ATXN3: variants seen among roughly 807,000 people sequenced by gnomAD.
ATXN3 encodes the protein ataxin 3.
ATXN3 carries 28 observed loss-of-function variants against 58.2 expected under a neutral mutation model. That is an observed-to-expected ratio of 0.48 (90% CI 0.36 to 0.66). The LOEUF is 0.66. Among genes scored for constraint, ATXN3 ranks in the 30% least tolerant of loss-of-function variants. The probability of loss-of-function intolerance (pLI) is 0.00; values close to 1 mark genes in which losing one functional copy is unlikely to be tolerated. For synonymous variants in ATXN3, 113 were observed against 138.5 expected, an observed-to-expected ratio of 0.82 and a Z score of 1.29; for missense variants, 321 against 422.1, an observed-to-expected ratio of 0.76 and a Z score of 2.10.
At chr14:92,093,167 A>G (rs1372884775) in intron 5 of ATXN3, 85 bp downstream of exon 5, 23 of 890,892 alleles carry the variant, frequency 2.6e-5, no homozygotes, top group Non-Finnish European at 3.9e-5. Context: ...AACTGTTGGC[A>G]TGAGCCACCA....
intron 1 of ATXN3, among the ~76,000 whole-genome samples, chr14:92,098,844 G>A (rs925252224): frequency 6.6e-6 from 1 of 152,174 alleles, no homozygotes; most frequent in African/African-American, 2.4e-5. Flanking sequence ...AGCTCCCATG[G>A]GATGACAGGA....
rs745440781 is a variant in ATXN3, at chr14:92,106,529, T to C, written c.24A>G (p.Lys8=). Residue 8 remains lysine (K), a splice_region_variant and synonymous_variant, in exon 1 of 11, where the codon AAA becomes AAG. Transcript: ENST00000644486. ...CTCCCCACCGAACGCGGACACTCAC[T>C]TTCTCGTGGAAGATGGACTCCATGT... is the stretch of plus-strand genomic sequence containing the variant. The part of the protein sequence containing the change: MESIFHE[K]QEGSLCAQHC... 2.5e-6 allele frequency: 4 copies of C among 1,613,106 alleles called. No individual in the cohort carries two copies. The highest frequency in any genetic ancestry group is 4.5e-5 in the East Asian group (2 of 44,756).
chr14:92,076,687 C>T (rs1203969573), intron 9 of ATXN3, among the ~76,000 whole-genome samples: 1 of 151,724 alleles, frequency 6.6e-6, no homozygotes, highest in Non-Finnish European at 1.5e-5. Flanking sequence ...CGCCTGTAAT[C>T]CCAGAACTTT....
At chr14:92,068,591 G>GT (rs1001823741) in intron 10 of ATXN3, among the ~76,000 whole-genome samples, 20 of 149,884 alleles carry the variant, frequency 1.3e-4, no homozygotes, top group Admixed American at 3.3e-4. Context: ...CAGCTGAATG[G>GT]TTTTTTTTTT....
chr14:92,093,292 T>A lies in ATXN3; in HGVS notation c.347A>T (p.Tyr116Phe), dbSNP rs778421428. Residue 116 changes from tyrosine (Y) to phenylalanine (F), a missense_variant, in exon 5 of 11, where the codon TAT becomes TTT. Tyr to Phe is a conservative substitution (Grantham distance 22, BLOSUM62 3). This residue lies in a region of ATXN3 where 121 missense variants were observed against 198.9 expected (regional missense o/e 0.61). Coordinates refer to ENST00000644486, the MANE Select transcript of ATXN3 (RefSeq NM_004993.6). ...PINERSFICN[Y>F]KEHWFTVRKL... is the part of the protein sequence containing the mutation. ...TCTAACTGTAAACCAGTGTTCCTTA[T>A]AATTGCATATAAATGATCTTTCATT... 6.9e-7 allele frequency: 1 copy of A among 1,454,992 alleles called. No homozygotes were observed. The highest frequency in any genetic ancestry group is 9.5e-7 in the Non-Finnish European group (1 of 1,047,950). The allele number at this position is 1,454,992 out of a possible 1,614,324, so 90.1% of individuals were successfully genotyped here.
chr14:92,050,143 CGTGTGTGTGTGTGT>C (rs35730721), upstream of ATXN3, among the ~76,000 whole-genome samples: 1 of 147,590 alleles, frequency 6.8e-6, no homozygotes, highest in African/African-American at 2.5e-5. Flanking sequence ...ACTTTGCTCT[CGTGTGTGTGTGTGT>C]GTGTGTGTGT....
In ATXN3 at chr14:92,059,176, C is replaced by T. The variant is rs2057572363; in HGVS notation, c.*5144G>A. 1 of 151,888 alleles carries T rather than the reference C, an allele frequency of 6.6e-6. No individual in the cohort carries two copies. The highest frequency in any genetic ancestry group is 1.5e-5 in the Non-Finnish European group (1 of 68,008). The allele number at this position is 151,888 out of a possible 1,614,324, so 9.4% of individuals were successfully genotyped here. The stretch of plus-strand genomic sequence containing the variant: ...TAGCACTAATTCTTAAAATGCCAGA[C>T]CACTTGGAAAAAATAATAATAGCAA... On this transcript the variant is annotated 3_prime_UTR_variant, in exon 11 of 11. Coordinates refer to ENST00000644486, the MANE Select transcript of ATXN3 (RefSeq NM_004993.6).
chr14:92,055,254 G>T (rs1013948049), downstream of ATXN3, among the ~76,000 whole-genome samples: 4 of 152,024 alleles, frequency 2.6e-5, no homozygotes, highest in Non-Finnish European at 5.9e-5. This position sits in a 1 kb window ranked among gnomAD's most constrained non-coding sequence, Gnocchi z 4.5. Flanking sequence ...GTGTTCTTGT[G>T]GGTTTATATA....
At chr14:92,082,210 C>A in intron 8 of ATXN3, 90 bp downstream of exon 8, 1 of 1,415,756 alleles carries the variant, frequency 7.1e-7, no homozygotes, top group Non-Finnish European at 9.5e-7. Flanking sequence ...GTCAAAACAC[C>A]TCTAAGAGTA....
intron 1 of ATXN3, among the ~76,000 whole-genome samples, chr14:92,048,260 G>A (rs1426610476): frequency 6.6e-6 from 1 of 152,192 alleles, no homozygotes; most frequent in Non-Finnish European, 1.5e-5. Flanking sequence ...AGATGTGGCT[G>A]GGGTTTGTCT....
chr14:92,098,090 T>A (rs1322442774), intron 1 of ATXN3, among the ~76,000 whole-genome samples: 1 of 152,156 alleles, frequency 6.6e-6, no homozygotes, highest in East Asian at 1.9e-4. Flanking sequence ...TCTTGGAGAT[T>A]CTACAGTAAA....
chr14:92,063,637 T>G lies in ATXN3; in HGVS notation c.*683A>C, dbSNP rs2057934044. 1 of 152,330 alleles carries G rather than the reference T, an allele frequency of 6.6e-6. No individual in the cohort carries two copies. Among genetic ancestry groups the G allele is most frequent in the African/African-American group, 2.4e-5 (1 of 41,572 alleles). The allele number at this position is 152,330 out of a possible 1,614,324, so 9.4% of individuals were successfully genotyped here. A position where few individuals can be genotyped will look rare whatever the true frequency, so the allele number is the denominator to read the frequency against. On this transcript the variant is annotated 3_prime_UTR_variant, in exon 11 of 11. Transcript: ENST00000644486. ...CTTGTGCAAGGCTGATTTCAGAGTT[T>G]AGGAACGCACCAGTCATGAAATAAT...
In ATXN3 at chr14:92,061,023, C is replaced by T. The variant is rs916269648; in HGVS notation, c.*3297G>A. The T allele has an allele frequency of 2.6e-5, 4 of 152,086 alleles. No homozygotes were observed. Among genetic ancestry groups the T allele is most frequent in the Non-Finnish European group, 4.4e-5 (3 of 67,990 alleles). The allele number at this position is 152,086 out of a possible 1,614,324, so 9.4% of individuals were successfully genotyped here. ...CTGGGATTACAGGCGTGAGCTACCACGCCCAGCCGCCACTAGCATGATTTT... is the reference window on the plus strand; with the variant it reads ...CTGGGATTACAGGCGTGAGCTACCATGCCCAGCCGCCACTAGCATGATTTT... On this transcript the variant is annotated 3_prime_UTR_variant, in exon 11 of 11. Coordinates refer to ENST00000644486, the MANE Select transcript of ATXN3 (RefSeq NM_004993.6).
chr14:92,095,506 G>A (rs1224559178), intron 3 of ATXN3, among the ~76,000 whole-genome samples: 1 of 149,500 alleles, frequency 6.7e-6, no homozygotes, highest in Non-Finnish European at 1.5e-5. Context: ...CCTCCCCAAA[G>A]TGCTGGGATT....
intron 10 of ATXN3, among the ~76,000 whole-genome samples, chr14:92,065,737 C>T (rs753855954): frequency 2.6e-5 from 4 of 151,960 alleles, no homozygotes; most frequent in Admixed American, 6.6e-5. Flanking sequence ...AAAAATTAGC[C>T]GGGCATGGTG....
chr14:92,069,705 A>T (rs2059121258), intron 10 of ATXN3, among the ~76,000 whole-genome samples: 1 of 151,994 alleles, frequency 6.6e-6, no homozygotes, highest in Non-Finnish European at 1.5e-5. Flanking sequence ...TTTTATGTGA[A>T]CCTAAGTTTT....
chr14:92,081,159 C>T lies in ATXN3; in HGVS notation c.776-98G>A, dbSNP rs576787480. The T allele has an allele frequency of 1.3e-4, 105 of 824,682 alleles. 1 individual carries two copies. The highest frequency in any genetic ancestry group is 1.0e-3 in the South Asian group (66 of 65,082). 51.1% of individuals were successfully genotyped at this position (824,682 alleles called of 1,614,324 possible). The stretch of plus-strand genomic sequence containing the variant: ...TACTCATTTGAGTAAGCCTTTAAAA[C>T]GTTTTCTCTTTAAGAATATTCTACT... On this transcript the variant is annotated intron_variant, in intron 8 of 10. Transcript: ENST00000644486.
upstream of ATXN3, among the ~76,000 whole-genome samples, chr14:92,053,194 G>C (rs113874586): frequency 1.4e-4 from 21 of 152,146 alleles, no homozygotes; most frequent in Non-Finnish European, 5.9e-5. Flanking sequence ...AGGTTGCAGT[G>C]AGCCGAGATC....
At chr14:92,075,371 T>C (rs1010689361) in intron 9 of ATXN3, among the ~76,000 whole-genome samples, 1 of 152,152 alleles carries the variant, frequency 6.6e-6, no homozygotes, top group African/African-American at 2.4e-5. Flanking sequence ...TTCGCCATGT[T>C]GGCCAGGCTA....
Sources: gnomAD v4.1 joint callset for allele counts (sites outside exome capture counted in the v4.1 genomes callset) on GRCh38, gnomAD v4.1.1 for gene constraint, gnomAD v4.1.1 regional missense constraint, Gnocchi (gnomAD v3.1) non-coding constraint, MANE v1.5 for transcripts, NCBI Gene and HGNC (gene_info 2026-07-23, HGNC 2026-07-21) for gene names.